Variants in ABCC5 observed in about 807,000 individuals in gnomAD.
The protein encoded by ABCC5 is ATP-binding cassette sub-family C member 5.
In ABCC5, 61 loss-of-function variants were observed where a neutral mutation model predicts 160.9. The observed-to-expected ratio is 0.38, with a 90% confidence interval of 0.31 to 0.47. ABCC5 has a LOEUF of 0.47. ABCC5 is among the 20% of genes least tolerant of loss of function. The pLI is 0.99. For synonymous variants in ABCC5, 666 were observed against 700.6 expected, an observed-to-expected ratio of 0.95 and a Z score of 0.78; for missense variants, 1,308 against 1,813.3, an observed-to-expected ratio of 0.72 and a Z score of 5.06.
chr3:183,962,959 G>C (rs1218850763), intron 15 of ABCC5, among the ~76,000 whole-genome samples: 1 of 152,136 alleles, frequency 6.6e-6, no homozygotes, highest in South Asian at 2.1e-4. Flanking sequence ...CCCCCTAAAC[G>C]TGACAACATA....
chr3:183,964,286 G>A (rs1364792008), intron 14 of ABCC5, among the ~76,000 whole-genome samples: 1 of 152,138 alleles, frequency 6.6e-6, no homozygotes, highest in Non-Finnish European at 1.5e-5. Flanking sequence ...GCAGATTATT[G>A]TCTTATTCCT....
At chr3:183,979,988 G>A (rs112343088) in intron 8 of ABCC5, among the ~76,000 whole-genome samples, 124 of 152,114 alleles carry the variant, frequency 8.2e-4, no homozygotes, top group African/African-American at 2.8e-3. Context: ...TGATCCTCCT[G>A]CCTCGGCCTC....
At chr3:183,962,806 G>A (rs1440194726) in intron 15 of ABCC5, among the ~76,000 whole-genome samples, 1 of 152,192 alleles carries the variant, frequency 6.6e-6, no homozygotes, top group Non-Finnish European at 1.5e-5. Flanking sequence ...ACAGGCGTGA[G>A]CCACTGTGCC....
In ABCC5 at chr3:183,982,431, C is replaced by T; in HGVS notation, c.999+20G>A. The T allele has an allele frequency of 6.2e-7, 1 of 1,609,612 alleles. No individual in the cohort carries two copies. Among genetic ancestry groups the T allele is most frequent in the Non-Finnish European group, 8.5e-7 (1 of 1,177,526 alleles). On this transcript the variant is annotated intron_variant, in intron 7 of 29. Transcript: ENST00000334444. The surrounding 1 kb of genome is among the most constrained non-coding windows in gnomAD (Gnocchi z 5.2). Reference sequence around the variant, plus strand: ...CTCCTAAGGAGAAGCTGCCAGGATTCAGCTGGGAGGCTTACTCACCATTGC... The same window carrying T: ...CTCCTAAGGAGAAGCTGCCAGGATTTAGCTGGGAGGCTTACTCACCATTGC...
chr3:183,989,389 C>G lies in ABCC5; in HGVS notation c.130-6G>C, dbSNP rs764615765. The G allele has an allele frequency of 1.2e-6, 2 of 1,613,514 alleles. No individual in the cohort carries two copies. Among genetic ancestry groups the G allele is most frequent in the South Asian group, 2.2e-5 (2 of 91,026 alleles). ...AAGGCATCTTGGCATTCCAACTGTTCCAGCAGATAGGGAGAAAGGCAAGAG... is the reference window on the plus strand; with the variant it reads ...AAGGCATCTTGGCATTCCAACTGTTGCAGCAGATAGGGAGAAAGGCAAGAG... On this transcript the variant is annotated splice_polypyrimidine_tract_variant and splice_region_variant and intron_variant, in intron 2 of 29. Coordinates refer to ENST00000334444, the MANE Select transcript of ABCC5 (RefSeq NM_005688.4).
chr3:183,943,752 C>T (rs565472981), intron 24 of ABCC5, among the ~76,000 whole-genome samples: 82 of 152,098 alleles, frequency 5.4e-4, no homozygotes, highest in South Asian at 1.4e-3. Context: ...GAAATGTGAC[C>T]GGTTTCAGCA....
chr3:183,919,994 C>T lies in ABCC5; in HGVS notation c.*1306G>A, dbSNP rs1711828944. The T allele has an allele frequency of 1.3e-5, 2 of 152,632 alleles. No individual in the cohort carries two copies. The highest frequency in any genetic ancestry group is 2.9e-5 in the Non-Finnish European group (2 of 68,042). 9.5% of individuals were successfully genotyped at this position (152,632 alleles called of 1,614,324 possible). A position where few individuals can be genotyped will look rare whatever the true frequency, so the allele number is the denominator to read the frequency against. On this transcript the variant is annotated 3_prime_UTR_variant, in exon 30 of 30. Transcript: ENST00000334444. ...CAGATTTTTGCTTCCACAAGGTGTT[C>T]AGCAAACATGCTAAGGCGACAGAAT... is the stretch of plus-strand genomic sequence containing the variant.
chr3:184,012,175 T>C (rs1377872251), intron 2 of ABCC5, among the ~76,000 whole-genome samples: 1 of 152,182 alleles, frequency 6.6e-6, no homozygotes, highest in Non-Finnish European at 1.5e-5. Context: ...GGATGAAGAA[T>C]ATATAGGATC....
chr3:183,933,165 C>CAAAA (rs55863712), intron 26 of ABCC5, among the ~76,000 whole-genome samples: 2 of 73,724 alleles, frequency 2.7e-5, no homozygotes, highest in Admixed American at 1.6e-4. Flanking sequence ...GAGACTGTCT[C>CAAAA]AAAAAAAAAA....
intron 10 of ABCC5, among the ~76,000 whole-genome samples, chr3:183,974,518 A>T (rs1299704234): frequency 1.3e-5 from 2 of 152,186 alleles, no homozygotes; most frequent in Non-Finnish European, 2.9e-5. Context: ...AATGTTGGCC[A>T]GGCTGGTCTC....
chr3:183,982,685 G>A lies in ABCC5; in HGVS notation c.826-61C>T. 1 of 1,607,280 alleles carries A rather than the reference G, an allele frequency of 6.2e-7. No individual in the cohort carries two copies. The highest frequency in any genetic ancestry group is 8.5e-7 in the Non-Finnish European group (1 of 1,174,594). The stretch of plus-strand genomic sequence containing the variant: ...AGGACACGGTTCATTTGTCTCAGGA[G>A]GAAGATAAAGGATAAGGCAGGGCCC... On this transcript the variant is annotated intron_variant, in intron 6 of 29. Coordinates refer to ENST00000334444, the MANE Select transcript of ABCC5 (RefSeq NM_005688.4). This position sits in a 1 kb window ranked among gnomAD's most constrained non-coding sequence, Gnocchi z 5.2.
intron 17 of ABCC5, among the ~76,000 whole-genome samples, chr3:183,956,243 G>T (rs1715934066): frequency 6.7e-6 from 1 of 148,302 alleles, no homozygotes; most frequent in African/African-American, 2.5e-5. Context: ...GTTACATGCA[G>T]ATCCGTGTGT....
At chr3:184,015,999 G>A (rs988388650) in intron 1 of ABCC5, among the ~76,000 whole-genome samples, 2 of 152,176 alleles carry the variant, frequency 1.3e-5, no homozygotes, top group African/African-American at 2.4e-5. Context: ...TTGAAACAGA[G>A]GAGGTCACTG....
chr3:183,957,130 T>G (rs1402482636), intron 17 of ABCC5, among the ~76,000 whole-genome samples: 3 of 109,384 alleles, frequency 2.7e-5, no homozygotes, highest in African/African-American at 1.1e-4. Flanking sequence ...ATCACATCGG[T>G]TACATGCGGG....
At chr3:184,001,739 G>T (rs1315546284) in intron 2 of ABCC5, among the ~76,000 whole-genome samples, 7 of 152,204 alleles carry the variant, frequency 4.6e-5, no homozygotes, top group Admixed American at 4.6e-4. Flanking sequence ...TGACCTAGAG[G>T]AATGTATTTT....
intron 2 of ABCC5, among the ~76,000 whole-genome samples, chr3:184,010,883 C>T (rs897017110): frequency 1.0e-4 from 15 of 148,412 alleles, no homozygotes; most frequent in Non-Finnish European, 1.8e-4. Context: ...CTGCAACTTC[C>T]GCCTCTCAGG....
chr3:183,950,227 TTG>T, intron 20 of ABCC5, 102 bp from the exon 21 acceptor site: 1 of 1,342,174 alleles, frequency 7.5e-7, no homozygotes, highest in South Asian at 1.6e-5. Flanking sequence ...TATCTGAAGT[TTG>T]TGATGTTGTC....
chr3:183,939,724 AAAAAG>A (rs1714104504), intron 25 of ABCC5, among the ~76,000 whole-genome samples: 1 of 152,228 alleles, frequency 6.6e-6, no homozygotes, highest in African/African-American at 2.4e-5. Flanking sequence ...CTACAGAGCC[AAAAAG>A]AAAAGAAGTT....
At chr3:183,989,179 A>G (rs1576907697) in intron 3 of ABCC5, 47 bp downstream of exon 3, 1 of 1,312,666 alleles carries the variant, frequency 7.6e-7, no homozygotes, top group South Asian at 1.4e-5. Flanking sequence ...AAAAAAAAAA[A>G]AAAGGCCTTT....
Sources: allele counts gnomAD v4.1 joint callset (sites outside exome capture counted in the v4.1 genomes callset), GRCh38; gene constraint gnomAD v4.1.1; non-coding constraint Gnocchi (gnomAD v3.1); transcripts MANE v1.5; gene names NCBI Gene and HGNC (gene_info 2026-07-23, HGNC 2026-07-21).